Variants in GAREM2 observed in about 807,000 individuals in gnomAD.
GAREM2 encodes the protein GRB2-associated and regulator of MAPK protein 2.
Under a neutral mutation model 55.6 loss-of-function variants are expected in GAREM2, and 30 were observed. The observed-to-expected ratio is 0.54, with a 90% confidence interval of 0.40 to 0.73. The LOEUF is 0.73. Among genes scored for constraint, GAREM2 ranks in the 30% least tolerant of loss-of-function variants. GAREM2 has a pLI of 0.00. For synonymous variants in GAREM2, 550 were observed against 569.1 expected (o/e 0.97, Z 0.48); for missense variants, 1,075 against 1,257.7 (o/e 0.85, Z 2.20).
Position 26,185,150 on chromosome 2 carries a change from G to A in GAREM2, c.1302G>A (p.Ala434=). Residue 434 remains alanine (A), a synonymous_variant, in exon 4 of 6, where the codon GCG becomes GCA. Transcript: ENST00000401533. ...AGATCCCCTACGAGGAGTTGTGGGC[G>A]CACCAGGGGCCCGAGGGCCTCGTCC... ...PAEIPYEELW[A]HQGPEGLVRP... 2 of 1,499,190 alleles carry A rather than the reference G, an allele frequency of 1.3e-6. No homozygotes were observed. Among genetic ancestry groups the A allele is most frequent in the Non-Finnish European group, 1.8e-6 (2 of 1,131,708 alleles). The allele number at this position is 1,499,190 out of a possible 1,614,324, so 92.9% of individuals were successfully genotyped here. A position where few individuals can be genotyped will look rare whatever the true frequency, so the allele number is the denominator to read the frequency against.
chr2:26,185,166 G>T lies in GAREM2; in HGVS notation c.1318G>T (p.Gly440Cys). The change falls in exon 4 of 6, where the codon GGC becomes TGC. Residue 440 changes from glycine (G) to cysteine (C), a missense_variant. This residue lies in a region of GAREM2 where 515 missense variants were observed against 501.5 expected (regional missense o/e 1.03). Coordinates refer to ENST00000401533, the MANE Select transcript of GAREM2 (RefSeq NM_001168241.2). ...GTTGTGGGCGCACCAGGGGCCCGAGGGCCTCGTCCGGCCGCCCCCAGGGCT... is the reference window on the plus strand; with the variant it reads ...GTTGTGGGCGCACCAGGGGCCCGAGTGCCTCGTCCGGCCGCCCCCAGGGCT... ...EELWAHQGPE[G>C]LVRPPPGLDL... 1 of 1,506,784 alleles carries T rather than the reference G, an allele frequency of 6.6e-7. No individual in the cohort carries two copies. The highest frequency in any genetic ancestry group is 8.8e-7 in the Non-Finnish European group (1 of 1,135,064). 93.3% of individuals were successfully genotyped at this position (1,506,784 alleles called of 1,614,324 possible).
chr2:26,175,022 C>T (rs1427036659), intron 1 of GAREM2, among the ~76,000 whole-genome samples: 1 of 152,120 alleles, frequency 6.6e-6, no homozygotes, highest in East Asian at 1.9e-4. Context: ...CCCCAACACA[C>T]ACATAGTGGG....
At chr2:26,197,149 T>C in the GAREM2 span, among the ~76,000 whole-genome samples, 1 of 152,214 alleles carries the variant, frequency 6.6e-6, no homozygotes, top group Non-Finnish European at 1.5e-5. Context: ...TTACTTCTCT[T>C]TGAATGATTT....
In GAREM2 at chr2:26,184,756, T is replaced by TGGCGC. The variant is rs1436571619; in HGVS notation, c.909_913dup (p.Leu305ArgfsTer95). On this transcript the variant is annotated frameshift_variant, in exon 4 of 6. Transcript: ENST00000401533. LOFTEE classifies it high-confidence loss of function. Reference sequence around the variant, plus strand: ...ATCTCCAAGACGGTGGTGCTGGGGCTGGCGCTGCGCCGCGAGGGCCCGGCG... The same window carrying TGGCGC: ...ATCTCCAAGACGGTGGTGCTGGGGCTGGCGCGGCGCTGCGCCGCGAGGGCCCGGCG... 1.3e-6 allele frequency: 2 copies of TGGCGC among 1,501,114 alleles called. No individual in the cohort carries two copies. The highest frequency in any genetic ancestry group is 1.8e-6 in the Non-Finnish European group (2 of 1,130,508). The allele number at this position is 1,501,114 out of a possible 1,614,324, so 93.0% of individuals were successfully genotyped here.
intron 4 of GAREM2, 115 bp from the exon 5 acceptor site, chr2:26,186,074 A>G: frequency 9.4e-7 from 1 of 1,065,670 alleles, no homozygotes; most frequent in East Asian, 2.8e-5. Context: ...GCCTATTGGC[A>G]AAGTGGGGCA....
At chr2:26,186,654 A>C (rs1669269116) in intron 5 of GAREM2, among the ~76,000 whole-genome samples, 1 of 152,164 alleles carries the variant, frequency 6.6e-6, no homozygotes, top group South Asian at 2.1e-4. Flanking sequence ...GGATAGAGAG[A>C]AGAGAGCTCC....
chr2:26,197,325 T>C, the GAREM2 span, among the ~76,000 whole-genome samples: 1 of 152,196 alleles, frequency 6.6e-6, no homozygotes, highest in Non-Finnish European at 1.5e-5. Flanking sequence ...TTCCCTGATC[T>C]GGAGGTGGAA....
Position 26,187,089 on chromosome 2 carries a change from C to T in GAREM2, c.1599-142C>T, listed in dbSNP as rs573354446. On this transcript the variant is annotated intron_variant, in intron 5 of 5. Coordinates refer to ENST00000401533, the MANE Select transcript of GAREM2 (RefSeq NM_001168241.2). Reference sequence around the variant, plus strand: ...GCTGGAAGGAAGAACACGGCCATTCCGGAGGGTCTTGGGCTGGGGCTGGGG... The same window carrying T: ...GCTGGAAGGAAGAACACGGCCATTCTGGAGGGTCTTGGGCTGGGGCTGGGG... The T allele has an allele frequency of 1.8e-5, 22 of 1,238,840 alleles. No individual in the cohort carries two copies. In the South Asian group the frequency reaches 2.3e-4, roughly 13 times the overall value. 76.7% of individuals were successfully genotyped at this position (1,238,840 alleles called of 1,614,324 possible). A position where few individuals can be genotyped will look rare whatever the true frequency, so the allele number is the denominator to read the frequency against.
Position 26,187,775 on chromosome 2 carries a change from G to A in GAREM2, c.2143G>A (p.Glu715Lys). 1 of 1,446,936 alleles carries A rather than the reference G, an allele frequency of 6.9e-7. No homozygotes were observed. The highest frequency in any genetic ancestry group is 9.1e-7 in the Non-Finnish European group (1 of 1,095,098). The allele number at this position is 1,446,936 out of a possible 1,614,324, so 89.6% of individuals were successfully genotyped here. A position where few individuals can be genotyped will look rare whatever the true frequency, so the allele number is the denominator to read the frequency against. ...GGGGCAGGGCAGTTCTCCAGAGCCT[G>A]AGCTGCTGCGTTCTCAGGAGCCCAG... ...ELGQGSSPEP[E>K]LLRSQEPRAV... Residue 715 changes from glutamate (E) to lysine (K), a missense_variant, in exon 6 of 6, where the codon GAG becomes AAG. Transcript: ENST00000401533.
intron 2 of GAREM2, chr2:26,180,992 C>T: frequency 1.0e-6 from 1 of 985,396 alleles, no homozygotes; most frequent in Non-Finnish European, 1.2e-6. Flanking sequence ...CCTCCCCCTT[C>T]TTCTGTCACC....
the GAREM2 span, chr2:26,195,132 G>A: frequency 1.2e-6 from 2 of 1,612,326 alleles, no homozygotes; most frequent in Non-Finnish European, 1.7e-6. Context: ...GAGACCAACT[G>A]CTACAGCTGA....
the GAREM2 span, chr2:26,204,103 G>A: frequency 6.2e-7 from 1 of 1,613,840 alleles, no homozygotes. Flanking sequence ...GCGCAGTGAG[G>A]GTGGCATCTT....
downstream of GAREM2, chr2:26,193,616 G>A (rs1353424333): frequency 6.2e-7 from 1 of 1,613,904 alleles, no homozygotes; most frequent in South Asian, 1.1e-5. Flanking sequence ...AGCAGTTCTG[G>A]GTTTCCACCT....
At position 26,184,919 on chromosome 2, in the gene GAREM2, C is replaced by T. The variant is rs1669183338; in HGVS notation, c.1071C>T (p.Tyr357=). 9 of 1,373,802 alleles carry T rather than the reference C, an allele frequency of 6.6e-6. No individual in the cohort carries two copies. Among genetic ancestry groups the T allele is most frequent in the Non-Finnish European group, 8.4e-6 (9 of 1,068,832 alleles). The allele number at this position is 1,373,802 out of a possible 1,614,324, so 85.1% of individuals were successfully genotyped here. A position where few individuals can be genotyped will look rare whatever the true frequency, so the allele number is the denominator to read the frequency against. The change falls in exon 4 of 6, where the codon TAC becomes TAT. Residue 357 remains tyrosine (Y), a synonymous_variant. Transcript: ENST00000401533. The stretch of plus-strand genomic sequence containing the variant: ...GCGAGCGCTTCGACCCCGACGAGTA[C>T]TCCACGGCCGTGCGCGAGGCGCCAG... ...YCRERFDPDE[Y]STAVREAPAE...
chr2:26,182,375 G>A (rs1196204440), intron 2 of GAREM2: 1 of 1,541,612 alleles, frequency 6.5e-7, no homozygotes, highest in African/African-American at 1.4e-5. Context: ...TGTGGGAACA[G>A]AGCTGGGGTC....
rs1668945281 is a variant in GAREM2 at position 26,178,799 on chromosome 2, G to A, written c.253+2315G>A. On this transcript the variant is annotated intron_variant, in intron 2 of 5. Coordinates refer to ENST00000401533, the MANE Select transcript of GAREM2 (RefSeq NM_001168241.2). ...CCCTGCGTGCCTGTGTACGGTGGTG[G>A]TCTTGGAGGGGTGGTGGTCTTGGGG... 2.1e-5 allele frequency among the ~76,000 whole-genome samples: 3 copies of A among 145,454 alleles called. No individual in the cohort carries two copies. In the South Asian group the frequency reaches 6.7e-4, roughly 32 times the overall value.
chr2:26,196,727 G>T, the GAREM2 span, among the ~76,000 whole-genome samples: 2 of 152,352 alleles, frequency 1.3e-5, no homozygotes, highest in East Asian at 3.9e-4. Flanking sequence ...ACTGCAAAGT[G>T]TGATGCTTGC....
In GAREM2 at chr2:26,173,433, C is replaced by T; in HGVS notation, c.112+101C>T. 3.5e-6 allele frequency: 2 copies of T among 565,522 alleles called. 1 individual carries two copies. Among genetic ancestry groups the T allele is most frequent in the Middle Eastern group, 1.1e-3 (2 of 1,832 alleles). 35.0% of individuals were successfully genotyped at this position (565,522 alleles called of 1,614,324 possible). On this transcript the variant is annotated intron_variant, in intron 1 of 5. Transcript: ENST00000401533. ...CGTGAGGAGGGTGCGGCACCCGCAC[C>T]CTCCCAGCTCCCCGGCGTGGGCCCC...
In GAREM2 at chr2:26,187,408, C is replaced by G; in HGVS notation, c.1776C>G (p.Ser592Arg). Residue 592 changes from serine (S) to arginine (R), a missense_variant, in exon 6 of 6, where the codon AGC becomes AGG. Ser to Arg is a moderately radical substitution (Grantham distance 110). Transcript: ENST00000401533. The part of the protein sequence containing the change: ...QASRALTEPL[S>R]GRAASLLGAD... ...CCCGGGCCCTCACAGAGCCTCTGAG[C>G]GGTCGAGCCGCCTCCCTTCTGGGGG... is the stretch of plus-strand genomic sequence containing the variant. The G allele has an allele frequency of 1.3e-6, 2 of 1,546,988 alleles. No homozygotes were observed. The highest frequency in any genetic ancestry group is 8.7e-7 in the Non-Finnish European group (1 of 1,144,668).
Sources: allele counts gnomAD v4.1 joint callset (sites outside exome capture counted in the v4.1 genomes callset), GRCh38; gene constraint gnomAD v4.1.1; regional missense constraint gnomAD v4.1.1; transcripts MANE v1.5; gene names NCBI Gene and HGNC (gene_info 2026-07-23, HGNC 2026-07-21).